The following SKOR2 variants were observed in gnomAD, a reference collection of about 807,000 sequenced individuals.
SKOR2 encodes the protein SKI family transcriptional corepressor 2, also known as LBX1 corepressor 1-like protein.
In SKOR2, 47 loss-of-function variants were observed where a neutral mutation model predicts 69.1. The observed-to-expected ratio is 0.68, with a 90% confidence interval of 0.54 to 0.87. The LOEUF is 0.87. Among genes scored for constraint, SKOR2 ranks in the 40% least tolerant of loss-of-function variants. SKOR2 has a pLI of 0.00. For synonymous variants in SKOR2, 717 were observed against 672.6 expected (o/e 1.07, Z -1.02); for missense variants, 1,404 against 1,472.2 (o/e 0.95, Z 0.76).
chr18:47,242,099 T>G, intron 4 of SKOR2, among the ~76,000 whole-genome samples: 1 of 152,286 alleles, frequency 6.6e-6, no homozygotes, highest in South Asian at 2.1e-4. Context: ...ACCATGGTTT[T>G]TATCTGCTTG....
intron 7 of SKOR2, among the ~76,000 whole-genome samples, chr18:47,213,627 A>C (rs1017390176): frequency 6.6e-6 from 1 of 152,032 alleles, no homozygotes; most frequent in Non-Finnish European, 1.5e-5. Flanking sequence ...TAAAATAATC[A>C]TCTCGCTATT....
chr18:47,218,666 T>C (rs966966565), intron 7 of SKOR2, among the ~76,000 whole-genome samples: 4 of 151,502 alleles, frequency 2.6e-5, no homozygotes, highest in African/African-American at 7.3e-5. Context: ...TATATTCCCC[T>C]ACATCGAATC....
chr18:47,235,616 C>A (rs753795340), intron 4 of SKOR2, among the ~76,000 whole-genome samples: 34 of 152,086 alleles, frequency 2.2e-4, no homozygotes, highest in Non-Finnish European at 4.6e-4. Flanking sequence ...GCAGTGGTTC[C>A]ACATTCTAGG....
chr18:47,229,070 G>C (rs2064188118), intron 6 of SKOR2, among the ~76,000 whole-genome samples: 3 of 152,184 alleles, frequency 2.0e-5, no homozygotes, highest in African/African-American at 4.8e-5. Flanking sequence ...GTCAAATTTA[G>C]TTTGACATGT....
chr18:47,216,772 G>T (rs975660245), intron 7 of SKOR2, among the ~76,000 whole-genome samples: 1 of 152,100 alleles, frequency 6.6e-6, no homozygotes, highest in Non-Finnish European at 1.5e-5. Context: ...CTCCTTGACT[G>T]CAAGATAGAG....
At chr18:47,226,063 G>A (rs2064177725) in intron 6 of SKOR2, among the ~76,000 whole-genome samples, 3 of 152,150 alleles carry the variant, frequency 2.0e-5, no homozygotes, top group Admixed American at 2.0e-4. Flanking sequence ...CCACCCTGCT[G>A]GTGACGGCCT....
chr18:47,246,297 A>G (rs2144513912), intron 2 of SKOR2, among the ~76,000 whole-genome samples: 1 of 152,290 alleles, frequency 6.6e-6, no homozygotes, highest in Non-Finnish European at 1.5e-5. Context: ...GGTCAATTAA[A>G]GGGTCTTTTC....
At position 47,247,252 on chromosome 18, in the gene SKOR2, C is replaced by T. The variant is rs927353578; in HGVS notation, c.1932G>A (p.Ala644=). Residue 644 remains alanine, a synonymous_variant, in exon 2 of 9, where the codon GCG becomes GCA. Transcript: ENST00000425639. This position sits in a 1 kb window ranked among gnomAD's most constrained non-coding sequence, Gnocchi z 6.6. ...GCGTCTGGGCCGAGTGGGGCGCGCC[C>T]GCCGACGCCCCGTGCAGCTTGGCCA... is the stretch of plus-strand genomic sequence containing the variant. ...ESLAKLHGAS[A]GAPHSAQTHP... 1 of 1,471,176 alleles carries T rather than the reference C, an allele frequency of 6.8e-7. No homozygotes were observed. The highest frequency in any genetic ancestry group is 9.0e-7 in the Non-Finnish European group (1 of 1,116,346). 91.1% of individuals were successfully genotyped at this position (1,471,176 alleles called of 1,614,324 possible).
At chr18:47,231,220 T>C (rs1390799661) in intron 4 of SKOR2, 2 of 1,508,714 alleles carry the variant, frequency 1.3e-6, no homozygotes, top group Non-Finnish European at 1.8e-6. Flanking sequence ...TGGCCTGTGA[T>C]GGCAGCTCCC....
At chr18:47,234,280 A>C (rs1298148776) in intron 4 of SKOR2, among the ~76,000 whole-genome samples, 1 of 152,142 alleles carries the variant, frequency 6.6e-6, no homozygotes, top group African/African-American at 2.4e-5. Context: ...GTCTAATACT[A>C]GATTAAATAA....
intron 8 of SKOR2, among the ~76,000 whole-genome samples, chr18:47,207,768 C>T (rs903168318): frequency 3.9e-5 from 6 of 152,034 alleles, no homozygotes; most frequent in African/African-American, 7.2e-5. Context: ...TTGTTACTTT[C>T]GTAGTAATTA....
chr18:47,228,413 C>T (rs1026365785), intron 6 of SKOR2, among the ~76,000 whole-genome samples: 33 of 152,326 alleles, frequency 2.2e-4, no homozygotes, highest in African/African-American at 7.9e-4. Context: ...AGTACTGTAA[C>T]ATTCTAACAT....
At chr18:47,208,194 A>G (rs17712105) in intron 8 of SKOR2, among the ~76,000 whole-genome samples, 15,564 of 152,228 alleles carry the variant, frequency 0.1, 838 homozygotes, top group Non-Finnish European at 0.12. Flanking sequence ...TAAGGACCCA[A>G]GGAAGACAGG....
intron 6 of SKOR2, among the ~76,000 whole-genome samples, chr18:47,228,502 A>G (rs79435713): frequency 0.013 from 1,980 of 152,308 alleles, 44 homozygotes; most frequent in African/African-American, 0.044. Context: ...ATTCCTTAGA[A>G]TGAATATGAA....
Position 47,231,371 on chromosome 18 carries a change from C to T in SKOR2, c.2753-371G>A, listed in dbSNP as rs556489895. 4.2e-4 allele frequency among the ~76,000 whole-genome samples: 64 copies of T among 152,236 alleles called. No homozygotes were observed. In the South Asian group the frequency reaches 5.4e-3, roughly 13 times the overall value. ...TAGAAATCTGATTGGAGTCCCACTGCTCCTTGAAGGGAGGAAGCTTGGTTT... is the reference window on the plus strand; with the variant it reads ...TAGAAATCTGATTGGAGTCCCACTGTTCCTTGAAGGGAGGAAGCTTGGTTT... On this transcript the variant is annotated intron_variant, in intron 4 of 8. Transcript: ENST00000425639.
At position 47,247,392 on chromosome 18, in the gene SKOR2, G is replaced by T; in HGVS notation, c.1792C>A (p.Arg598=). ...AAAGSGPAGS[R]VPAPHHPHLL... ...TGCGGATGGTGGGGCGCCGGAACCC[G>T]GGAGCCCGCGGGGCCAGACCCGGCG... Residue 598 remains arginine (R), a synonymous_variant, in exon 2 of 9, where the codon CGG becomes AGG. Coordinates refer to ENST00000425639, the MANE Select transcript of SKOR2 (RefSeq NM_001278063.4). The surrounding 1 kb of genome is among the most constrained non-coding windows in gnomAD (Gnocchi z 6.6). 7.2e-7 allele frequency: 1 copy of T among 1,384,788 alleles called. No homozygotes were observed. The highest frequency in any genetic ancestry group is 3.1e-5 in the East Asian group (1 of 32,360). The allele number at this position is 1,384,788 out of a possible 1,614,324, so 85.8% of individuals were successfully genotyped here. A position where few individuals can be genotyped will look rare whatever the true frequency, so the allele number is the denominator to read the frequency against.
intron 2 of SKOR2, among the ~76,000 whole-genome samples, 186 bp downstream of exon 2, chr18:47,246,385 G>A (rs897599360): frequency 3.2e-4 from 49 of 152,186 alleles, no homozygotes; most frequent in Non-Finnish European, 4.4e-5. Context: ...ATCAAGAAAG[G>A]GACCAGAAAC....
chr18:47,249,825 AT>A (rs1388195246), intron 1 of SKOR2, among the ~76,000 whole-genome samples: 1 of 152,198 alleles, frequency 6.6e-6, no homozygotes, highest in African/African-American at 2.4e-5. Context: ...GCCATTAGAT[AT>A]TTTGTTACTG....
chr18:47,237,228 G>C (rs2064227928), intron 4 of SKOR2, among the ~76,000 whole-genome samples: 1 of 152,146 alleles, frequency 6.6e-6, no homozygotes, highest in African/African-American at 2.4e-5. Flanking sequence ...TATATATTCA[G>C]TTTACTGGGG....
Sources: allele counts gnomAD v4.1 joint callset (sites outside exome capture counted in the v4.1 genomes callset), GRCh38; gene constraint gnomAD v4.1.1; non-coding constraint Gnocchi (gnomAD v3.1); transcripts MANE v1.5; gene names NCBI Gene and HGNC (gene_info 2026-07-23, HGNC 2026-07-21).